Variants in SGK1 observed in about 807,000 individuals in gnomAD.
SGK1 encodes serine/threonine-protein kinase Sgk1.
In SGK1, 26 loss-of-function variants were observed where a neutral mutation model predicts 64.2. The observed-to-expected ratio is 0.40, with a 90% CI of 0.30 to 0.56. The LOEUF is 0.56. Ranked by LOEUF, SGK1 falls within the 20% of genes least tolerant of loss-of-function variation. The probability of loss-of-function intolerance (pLI) is 0.38; values close to 1 mark genes in which losing one functional copy is unlikely to be tolerated. For missense variants in SGK1, 519 were observed against 645.6 expected, an observed-to-expected ratio of 0.80 and a Z score of 2.12; for synonymous variants, 265 against 239.7, an observed-to-expected ratio of 1.11 and a Z score of -0.98.
chr6:134,287,317 T>C lies in SGK1; in HGVS notation c.70-25169A>G, dbSNP rs1777201340. Among the ~76,000 whole-genome samples the C allele has an allele frequency of 2.0e-5, 3 of 152,298 alleles. No homozygotes were observed. In the South Asian group the frequency reaches 6.2e-4, roughly 32 times the overall value. ...GAGTCAGGAGTTTTGTAAAATTATG[T>C]TGGCAAGTAGAAATGAATAAATATA... is the stretch of plus-strand genomic sequence containing the variant. On this transcript the variant is annotated intron_variant, in intron 1 of 13. Coordinates refer to ENST00000367858, the MANE Select transcript of SGK1 (RefSeq NM_001143676.3).
chr6:134,315,828 C>A (rs1362261372), intron 1 of SGK1, among the ~76,000 whole-genome samples: 3 of 151,696 alleles, frequency 2.0e-5, no homozygotes, highest in East Asian at 3.9e-4. Flanking sequence ...CCACTTGAGC[C>A]CAAAAGGTCA....
intron 1 of SGK1, among the ~76,000 whole-genome samples, chr6:134,283,698 T>A (rs571745210): frequency 6.6e-6 from 1 of 150,764 alleles, no homozygotes; most frequent in South Asian, 2.1e-4. Context: ...AAATAAAAAT[T>A]AGCCAGGCAT....
At chr6:134,217,125 A>G (rs1775999156) in intron 2 of SGK1, among the ~76,000 whole-genome samples, 2 of 152,220 alleles carry the variant, frequency 1.3e-5, no homozygotes, top group African/African-American at 4.8e-5. Flanking sequence ...GAGTTGACAG[A>G]GCACGAACTC....
At position 134,170,361 on chromosome 6, in the gene SGK1, G is replaced by A. The variant is rs764274913; in HGVS notation, c.1488C>T (p.Ser496=). 7 of 1,614,150 alleles carry A rather than the reference G, an allele frequency of 4.3e-6. No individual in the cohort carries two copies. In the South Asian group the frequency reaches 7.7e-5, roughly 18 times the overall value. ...TGGCTGTGACGAGGACGCTGTCAGG[G>A]GACTTGCCAATGGAGTTGGGGACAG... The part of the protein sequence containing the change: ...EEPVPNSIGK[S]PDSVLVTASV... Residue 496 remains serine (S), a synonymous_variant, in exon 14 of 14, where the codon TCC becomes TCT. Coordinates refer to ENST00000367858, the MANE Select transcript of SGK1 (RefSeq NM_001143676.3).
At chr6:134,221,950 G>T (rs1776097000) in intron 2 of SGK1, among the ~76,000 whole-genome samples, 1 of 152,268 alleles carries the variant, frequency 6.6e-6, no homozygotes, top group African/African-American at 2.4e-5. Flanking sequence ...ACCACGCCCG[G>T]CTGGCATTCA....
intron 3 of SGK1, among the ~76,000 whole-genome samples, chr6:134,192,852 C>T (rs1775537287): frequency 2.0e-5 from 3 of 152,336 alleles, no homozygotes; most frequent in Non-Finnish European, 2.9e-5. Context: ...AGCCACTGCG[C>T]CCTCCTGGTC....
At chr6:134,196,709 C>T (rs968272711) in intron 3 of SGK1, among the ~76,000 whole-genome samples, 3 of 152,144 alleles carry the variant, frequency 2.0e-5, no homozygotes, top group Non-Finnish European at 4.4e-5. Flanking sequence ...ATTGTGGTTA[C>T]CTGTTCTAAG....
At chr6:134,305,284 C>T (rs546649025) in intron 1 of SGK1, among the ~76,000 whole-genome samples, 98 of 147,394 alleles carry the variant, frequency 6.6e-4, no homozygotes, top group Non-Finnish European at 1.2e-3. Flanking sequence ...ACTTGAACCC[C>T]AGAGGCGGAG....
In SGK1 at chr6:134,203,080, C is replaced by T. The variant is rs559586896; in HGVS notation, c.361+4276G>A. Among the ~76,000 whole-genome samples the T allele has an allele frequency of 3.3e-5, 5 of 152,110 alleles. No individual in the cohort carries two copies. In the South Asian group the frequency reaches 1.0e-3, roughly 32 times the overall value. On this transcript the variant is annotated intron_variant, in intron 3 of 13. Coordinates refer to ENST00000367858, the MANE Select transcript of SGK1 (RefSeq NM_001143676.3). The stretch of plus-strand genomic sequence containing the variant: ...CCAACATACTGAAACCCCGTCTCTA[C>T]TAAAAATACAAAAATTAGCCAGGCG...
intron 1 of SGK1, among the ~76,000 whole-genome samples, 191 bp from the exon 2 acceptor site, chr6:134,262,339 T>C (rs552842045): frequency 6.6e-6 from 1 of 152,276 alleles, no homozygotes; most frequent in Admixed American, 6.5e-5. Flanking sequence ...AGAGTATGCA[T>C]TACATGGCTG....
At chr6:134,298,433 T>C in intron 1 of SGK1, 2 of 919,172 alleles carry the variant, frequency 2.2e-6, no homozygotes, top group East Asian at 4.8e-5. Flanking sequence ...TTCTTTTGGG[T>C]GCGCAGGCCT....
chr6:134,297,136 G>A (rs1407865053), intron 1 of SGK1: 7 of 569,828 alleles, frequency 1.2e-5, no homozygotes, highest in African/African-American at 3.7e-5. Flanking sequence ...GGACTTGTGA[G>A]GCCCCCATAG....
At chr6:134,249,855 T>C (rs1369542434) in intron 2 of SGK1, among the ~76,000 whole-genome samples, 2 of 152,238 alleles carry the variant, frequency 1.3e-5, no homozygotes, top group Non-Finnish European at 2.9e-5. Context: ...TGCTGATACA[T>C]GCAATTCTAA....
intron 10 of SGK1, 175 bp downstream of exon 10, chr6:134,172,018 G>GA: frequency 1.2e-6 from 1 of 803,538 alleles, no homozygotes; most frequent in Non-Finnish European, 2.0e-6. Flanking sequence ...TAAAGGAACA[G>GA]AAGGACTTGG....
intron 2 of SGK1, chr6:134,260,376 C>CCT (rs1776747784): frequency 2.2e-5 from 3 of 137,278 alleles, no homozygotes; most frequent in Admixed American, 1.4e-4. Flanking sequence ...CGACCCCCAC[C>CCT]CCCCCCAAAA....
rs145359788 is a variant in SGK1, at chr6:134,173,617, A to T, written c.514-51T>A. The T allele has an allele frequency of 2.9e-4, 346 of 1,210,312 alleles. No homozygotes were observed. The African/African-American group carries it at 4.6e-3, about 16-fold the overall frequency. 75.0% of individuals were successfully genotyped at this position (1,210,312 alleles called of 1,614,324 possible). On this transcript the variant is annotated intron_variant, in intron 5 of 13. Coordinates refer to ENST00000367858, the MANE Select transcript of SGK1 (RefSeq NM_001143676.3). ...TTTAATACCATTGCTTCAAAGGAAG[A>T]CATCTATAACATAAACGATGTAGAA...
chr6:134,211,122 CAA>C (rs58915130), intron 2 of SGK1, among the ~76,000 whole-genome samples: 11 of 115,572 alleles, frequency 9.5e-5, no homozygotes, highest in Admixed American at 9.3e-5. Flanking sequence ...GACTCTGTCT[CAA>C]AAAAAAAAAA....
intron 2 of SGK1, among the ~76,000 whole-genome samples, chr6:134,226,248 AAAGT>A (rs1440378144): frequency 2.6e-5 from 4 of 152,222 alleles, no homozygotes; most frequent in Non-Finnish European, 4.4e-5. Flanking sequence ...AAAACATCAG[AAAGT>A]AAGCATAAAC....
chr6:134,231,676 A>G (rs1776280059), intron 2 of SGK1, among the ~76,000 whole-genome samples: 1 of 152,238 alleles, frequency 6.6e-6, no homozygotes, highest in African/African-American at 2.4e-5. Context: ...AAACACTGGT[A>G]CTTAATGCAG....
Sources: allele counts gnomAD v4.1 joint callset (sites outside exome capture counted in the v4.1 genomes callset), GRCh38; gene constraint gnomAD v4.1.1; transcripts MANE v1.5; gene names NCBI Gene and HGNC (gene_info 2026-07-23, HGNC 2026-07-21).